Variants in ZBBX observed in about 807,000 individuals in gnomAD.
ZBBX encodes the protein zinc finger B-box domain containing, also known as zinc finger B-box domain-containing protein 1.
Under a neutral mutation model 108.5 loss-of-function variants are expected in ZBBX, and 101 were observed. The observed-to-expected ratio is 0.93, with a 90% CI of 0.79 to 1.10. ZBBX has a LOEUF of 1.10. ZBBX is among the 50% of genes least tolerant of loss of function. The pLI, the probability that ZBBX is intolerant of heterozygous loss-of-function variation, is 0.00. For missense variants in ZBBX, 1,009 were observed against 941.4 expected (o/e 1.07, Z -0.94); for synonymous variants, 356 against 323.4 (o/e 1.10, Z -1.08).
chr3:167,310,121 A>C (rs1227029646), intron 16 of ZBBX, among the ~76,000 whole-genome samples: 1 of 152,192 alleles, frequency 6.6e-6, no homozygotes, highest in Admixed American at 6.5e-5. Flanking sequence ...GAGGGGGCCA[A>C]AATGCTGCCA....
At chr3:167,318,647 A>C (rs780710242) in intron 12 of ZBBX, among the ~76,000 whole-genome samples, 5 of 152,022 alleles carry the variant, frequency 3.3e-5, no homozygotes, top group Non-Finnish European at 7.4e-5. Flanking sequence ...ATTGTTAATT[A>C]GAAAAAGGCA....
chr3:167,306,415 C>A (rs1042246412), intron 16 of ZBBX, among the ~76,000 whole-genome samples: 12 of 152,144 alleles, frequency 7.9e-5, no homozygotes, highest in African/African-American at 2.9e-4. Flanking sequence ...CAGTTGGGGG[C>A]ACAGAAAATG....
rs190570748 is a variant in ZBBX, at chr3:167,372,109, G to A, written c.68+725C>T. ...GCCTGTAATCCCAGCTACTCCGGTG[G>A]CTGAGGCAGGAGAATTGCCTGAGGC... On this transcript the variant is annotated intron_variant, in intron 4 of 21. Transcript: ENST00000675490. Among the ~76,000 whole-genome samples, 371 of 152,264 alleles carry A rather than the reference G, an allele frequency of 2.4e-3. 1 individual carries two copies. The highest frequency in any genetic ancestry group is 3.2e-3 in the Non-Finnish European group (220 of 68,014).
rs777291977 is a variant in ZBBX, at chr3:167,327,911, C to T, written c.862+31G>A. ...CCTGGGCAACAAAGTGAGACTCTGT[C>T]TCAAAAAAAAAAAAAAAAAAAAAGC... On this transcript the variant is annotated intron_variant, in intron 11 of 21. Transcript: ENST00000675490. 5.6e-6 allele frequency: 5 copies of T among 897,704 alleles called. No individual in the cohort carries two copies. In the African/African-American group the frequency reaches 1.2e-4, roughly 22 times the overall value. The allele number at this position is 897,704 out of a possible 1,614,324, so 55.6% of individuals were successfully genotyped here. A position where few individuals can be genotyped will look rare whatever the true frequency, so the allele number is the denominator to read the frequency against.
At chr3:167,391,262 G>A (rs1206960309) in intron 1 of ZBBX, among the ~76,000 whole-genome samples, 1 of 152,020 alleles carries the variant, frequency 6.6e-6, no homozygotes, top group Non-Finnish European at 1.5e-5. Context: ...TTTGTTATTG[G>A]TTTTGTTTAT....
At chr3:167,196,824 C>A in the ZBBX span, among the ~76,000 whole-genome samples, 1 of 150,296 alleles carries the variant, frequency 6.7e-6, no homozygotes, top group South Asian at 2.1e-4. Context: ...GTTTGGGTAC[C>A]TGAGTTTAAA....
rs1742450956 is a variant in ZBBX at position 167,350,532 on chromosome 3, T to TA, written c.433-18dup. The stretch of plus-strand genomic sequence containing the variant: ...AAGGCATACCTAAAAAGATATTTTT[T>TA]AAAAAATTATACAATCTTATAAAAT... On this transcript the variant is annotated splice_polypyrimidine_tract_variant and intron_variant, in intron 8 of 21. Transcript: ENST00000675490. 1.3e-6 allele frequency: 2 copies of TA among 1,513,768 alleles called. No homozygotes were observed. Among genetic ancestry groups the TA allele is most frequent in the Non-Finnish European group, 1.8e-6 (2 of 1,111,590 alleles). 93.8% of individuals were successfully genotyped at this position (1,513,768 alleles called of 1,614,324 possible).
intron 20 of ZBBX, among the ~76,000 whole-genome samples, chr3:167,262,372 C>A (rs1450291411): frequency 2.6e-5 from 4 of 152,214 alleles, no homozygotes; most frequent in Non-Finnish European, 5.9e-5. Flanking sequence ...TCTAGTCCTG[C>A]CTCCAGTCTG....
chr3:167,278,890 A>G (rs1576868309), intron 20 of ZBBX, among the ~76,000 whole-genome samples: 1 of 152,074 alleles, frequency 6.6e-6, no homozygotes, highest in African/African-American at 2.4e-5. Flanking sequence ...CACATCAAAA[A>G]GCTTATCCAC....
chr3:167,244,482 A>G (rs1458887141), intron 20 of ZBBX, among the ~76,000 whole-genome samples: 1 of 152,232 alleles, frequency 6.6e-6, no homozygotes, highest in East Asian at 1.9e-4. Context: ...AGCTGTTCCG[A>G]GTTGTGCAAA....
intron 19 of ZBBX, among the ~76,000 whole-genome samples, chr3:167,287,427 C>T (rs1458204273): frequency 6.6e-6 from 1 of 152,080 alleles, no homozygotes; most frequent in Non-Finnish European, 1.5e-5. Context: ...CAGAAATCTG[C>T]ATTGCAAGAG....
rs1745224558 is a variant in ZBBX, at chr3:167,365,790, AGAG to A, written c.273+93_273+95del. ...AATATGCAAAGTTGTTAAAATAAGA[AGAG>A]TATATTCCTGAGTATAGAAGAAAAT... On this transcript the variant is annotated intron_variant, in intron 6 of 21. Transcript: ENST00000675490. 23 of 632,516 alleles carry A rather than the reference AGAG, an allele frequency of 3.6e-5. No homozygotes were observed. In the Middle Eastern group the frequency reaches 1.8e-3, roughly 48 times the overall value. 39.2% of individuals were successfully genotyped at this position (632,516 alleles called of 1,614,324 possible). A position where few individuals can be genotyped will look rare whatever the true frequency, so the allele number is the denominator to read the frequency against.
chr3:167,368,107 T>A (rs1475713295), intron 5 of ZBBX, among the ~76,000 whole-genome samples: 1 of 151,160 alleles, frequency 6.6e-6, no homozygotes, highest in African/African-American at 2.4e-5. Context: ...CTGGTGTTTA[T>A]TTGTTATTGA....
intron 4 of ZBBX, among the ~76,000 whole-genome samples, chr3:167,371,134 T>C (rs1261894947): frequency 6.6e-6 from 1 of 152,168 alleles, no homozygotes; most frequent in East Asian, 1.9e-4. Flanking sequence ...TGGTTTTTAA[T>C]GGTTTGTGGA....
Position 167,261,807 on chromosome 3 carries a change from C to T in ZBBX, c.2255-19164G>A, listed in dbSNP as rs1009721938. Among the ~76,000 whole-genome samples, 39 of 141,740 alleles carry T rather than the reference C, an allele frequency of 2.8e-4. 1 individual carries two copies. In the South Asian group the frequency reaches 6.2e-3, roughly 22 times the overall value. The allele number at this position is 141,740 out of a possible 152,430, so 93.0% of individuals were successfully genotyped here. ...AAAAAAAAAAAAAAAAAAGTGGGGGCGGGGGCTTGGTTCTTCCCCTACCTG... is the reference window on the plus strand; with the variant it reads ...AAAAAAAAAAAAAAAAAAGTGGGGGTGGGGGCTTGGTTCTTCCCCTACCTG... On this transcript the variant is annotated intron_variant, in intron 20 of 21. Coordinates refer to ENST00000675490, the MANE Select transcript of ZBBX (RefSeq NM_001199201.2).
intron 1 of ZBBX, among the ~76,000 whole-genome samples, chr3:167,399,882 T>TCC (rs1000927714): frequency 6.6e-6 from 1 of 152,046 alleles, no homozygotes; most frequent in Non-Finnish European, 1.5e-5. Context: ...CCTCTAGTAG[T>TCC]CCTCAGCATC....
chr3:167,390,144 G>C (rs1387242031), intron 1 of ZBBX, among the ~76,000 whole-genome samples: 2 of 152,020 alleles, frequency 1.3e-5, no homozygotes, highest in Non-Finnish European at 2.9e-5. Context: ...TTTTATATAA[G>C]GTGTAAGGAA....
intron 20 of ZBBX, among the ~76,000 whole-genome samples, chr3:167,243,280 T>C (rs1157524945): frequency 6.6e-6 from 1 of 152,232 alleles, no homozygotes; most frequent in Non-Finnish European, 1.5e-5. Context: ...TATCATTGTA[T>C]ATTAGAAAGG....
At chr3:167,204,197 T>C in the ZBBX span, among the ~76,000 whole-genome samples, 4 of 128,980 alleles carry the variant, frequency 3.1e-5, no homozygotes, top group African/African-American at 6.8e-5. Context: ...TTTCTTTTTT[T>C]CTTTTTTTTT....
Sources: allele counts gnomAD v4.1 joint callset (sites outside exome capture counted in the v4.1 genomes callset), GRCh38; gene constraint gnomAD v4.1.1; transcripts MANE v1.5; gene names NCBI Gene and HGNC (gene_info 2026-07-23, HGNC 2026-07-21).